The following ZMAT4 variants were observed in gnomAD, a reference collection of about 807,000 sequenced individuals.
ZMAT4 encodes the protein zinc finger matrin-type 4, also known as zinc finger matrin-type protein 4.
A neutral mutation model predicts 28.7 loss-of-function variants in ZMAT4; 17 were observed. That is an observed-to-expected ratio of 0.59 (90% CI 0.41 to 0.89). The LOEUF (loss-of-function observed/expected upper bound fraction) is 0.89, where lower values mean the gene tolerates loss of function less well. ZMAT4 is among the 40% of genes least tolerant of loss of function. The pLI, the probability that ZMAT4 is intolerant of heterozygous loss-of-function variation, is 0.00. For synonymous variants in ZMAT4, 117 were observed against 109.2 expected (o/e 1.07, Z -0.44); for missense variants, 240 against 283.8 (o/e 0.85, Z 1.11).
At chr8:40,746,648 C>T (rs1812250973) in intron 3 of ZMAT4, among the ~76,000 whole-genome samples, 1 of 152,096 alleles carries the variant, frequency 6.6e-6, no homozygotes, top group South Asian at 2.1e-4. Context: ...AGCCACCATG[C>T]CCGGCCCAGT....
intron 1 of ZMAT4, among the ~76,000 whole-genome samples, chr8:40,855,819 G>T (rs982277946): frequency 6.6e-6 from 1 of 151,914 alleles, no homozygotes; most frequent in Admixed American, 6.6e-5. Context: ...GGGACTACAG[G>T]TGCATGCAAC....
chr8:40,756,302 G>A (rs933837540), intron 3 of ZMAT4, among the ~76,000 whole-genome samples: 2 of 151,550 alleles, frequency 1.3e-5, no homozygotes, highest in African/African-American at 4.9e-5. Context: ...GGAGACTGTA[G>A]GTGCTGGCAG....
intron 2 of ZMAT4, among the ~76,000 whole-genome samples, chr8:40,776,454 C>T (rs1813600799): frequency 6.6e-6 from 1 of 152,118 alleles, no homozygotes; most frequent in Non-Finnish European, 1.5e-5. Context: ...AAATAAAAGT[C>T]CTGCAACTCA....
intron 1 of ZMAT4, among the ~76,000 whole-genome samples, chr8:40,826,249 G>A (rs556389500): frequency 1.4e-4 from 21 of 152,118 alleles, no homozygotes; most frequent in Non-Finnish European, 2.8e-4. Context: ...AAAACTATGT[G>A]GCTTCCAAAT....
chr8:40,797,600 T>C (rs1563490948), intron 2 of ZMAT4, among the ~76,000 whole-genome samples: 1 of 152,264 alleles, frequency 6.6e-6, no homozygotes, highest in East Asian at 1.9e-4. Flanking sequence ...GCTGTGCACA[T>C]TACAGGACTT....
rs10097846 is a variant in ZMAT4 at position 40,770,363 on chromosome 8, G to A, written c.103-2633C>T. Reference sequence around the variant, plus strand: ...AAATCCAAAGCTGCTTCCAAATTACGTTGGTTGACAAAGGGAAAGAGGTTC... The same window carrying A: ...AAATCCAAAGCTGCTTCCAAATTACATTGGTTGACAAAGGGAAAGAGGTTC... On this transcript the variant is annotated intron_variant, in intron 2 of 6. Transcript: ENST00000297737. 4.8e-3 allele frequency among the ~76,000 whole-genome samples: 724 copies of A among 152,006 alleles called. 3 individuals are homozygous for A. Among genetic ancestry groups the A allele is most frequent in the African/African-American group, 0.017 (687 of 41,440 alleles).
At chr8:40,880,711 C>A (rs1190169100) in intron 1 of ZMAT4, among the ~76,000 whole-genome samples, 1 of 151,954 alleles carries the variant, frequency 6.6e-6, no homozygotes. Context: ...AGCCGGGACT[C>A]CACGCTTGGC....
chr8:40,692,831 A>G (rs977344515), intron 4 of ZMAT4, among the ~76,000 whole-genome samples: 34 of 152,132 alleles, frequency 2.2e-4, no homozygotes, highest in Non-Finnish European at 3.8e-4. Context: ...GAAGAGTTAA[A>G]TGATGTTTTC....
At chr8:40,587,687 G>T (rs889596592) in intron 5 of ZMAT4, among the ~76,000 whole-genome samples, 1 of 151,908 alleles carries the variant, frequency 6.6e-6, no homozygotes, top group East Asian at 1.9e-4. Flanking sequence ...AAATAAGGCA[G>T]AAAAGAAGGA....
intron 2 of ZMAT4, among the ~76,000 whole-genome samples, chr8:40,796,390 T>G (rs1193273076): frequency 6.6e-6 from 1 of 152,140 alleles, no homozygotes; most frequent in African/African-American, 2.4e-5. Flanking sequence ...AAAAAAACAT[T>G]GATATTTCAT....
chr8:40,701,865 A>G (rs189637642), intron 3 of ZMAT4, among the ~76,000 whole-genome samples: 15 of 152,112 alleles, frequency 9.9e-5, no homozygotes, highest in Admixed American at 9.8e-4. Context: ...CAAAATCCCA[A>G]ATTAATGGCT....
intron 5 of ZMAT4, among the ~76,000 whole-genome samples, chr8:40,599,407 G>C (rs1235995627): frequency 2.0e-5 from 3 of 152,134 alleles, no homozygotes; most frequent in Admixed American, 2.0e-4. Context: ...ATATATATGT[G>C]TGTGTGTGTG....
intron 5 of ZMAT4, among the ~76,000 whole-genome samples, chr8:40,650,603 A>G (rs12216765): frequency 0.98 from 119,742 of 122,650 alleles, 58,593 homozygotes; most frequent in Middle Eastern, 1. Context: ...TGATACCAAA[A>G]CCAGGCAGAG....
At chr8:40,749,421 C>G (rs922245704) in intron 3 of ZMAT4, among the ~76,000 whole-genome samples, 1 of 152,168 alleles carries the variant, frequency 6.6e-6, no homozygotes. Flanking sequence ...CTAGCAGGAA[C>G]TGGAGGCCCA....
At chr8:40,822,377 G>A (rs1447972499) in intron 2 of ZMAT4, among the ~76,000 whole-genome samples, 1 of 152,194 alleles carries the variant, frequency 6.6e-6, no homozygotes, top group Non-Finnish European at 1.5e-5. Context: ...CTATCAGGTT[G>A]AACTGAAAAA....
chr8:40,609,310 C>A (rs1268324294), intron 5 of ZMAT4, among the ~76,000 whole-genome samples: 1 of 152,168 alleles, frequency 6.6e-6, no homozygotes, highest in Non-Finnish European at 1.5e-5. Flanking sequence ...GTACTTGTGT[C>A]TTTGCAGATG....
At chr8:40,732,296 C>T (rs1811574386) in intron 3 of ZMAT4, among the ~76,000 whole-genome samples, 1 of 151,376 alleles carries the variant, frequency 6.6e-6, no homozygotes. Flanking sequence ...TAGAAGAGTG[C>T]CTACAACGGG....
At chr8:40,625,347 T>C (rs765123192) in intron 5 of ZMAT4, among the ~76,000 whole-genome samples, 4 of 152,096 alleles carry the variant, frequency 2.6e-5, no homozygotes, top group African/African-American at 4.8e-5. Flanking sequence ...CTGGAGATAT[T>C]TGAGTAGAGG....
At chr8:40,846,865 T>C (rs918536855) in intron 1 of ZMAT4, among the ~76,000 whole-genome samples, 1 of 152,178 alleles carries the variant, frequency 6.6e-6, no homozygotes, top group Non-Finnish European at 1.5e-5. Context: ...TTCAGGCTGT[T>C]CTGTATGGCT....
Sources: allele counts gnomAD v4.1 joint callset (sites outside exome capture counted in the v4.1 genomes callset), GRCh38; gene constraint gnomAD v4.1.1; transcripts MANE v1.5; gene names NCBI Gene and HGNC (gene_info 2026-07-23, HGNC 2026-07-21).